CCDC102B: variants seen among roughly 807,000 people sequenced by gnomAD.
CCDC102B encodes coiled-coil domain-containing protein 102B.
CCDC102B carries 75 observed loss-of-function variants against 57.4 expected under a neutral mutation model. That is an observed-to-expected ratio of 1.31 (90% CI 1.08 to 1.58). CCDC102B has a LOEUF of 1.58. Among genes scored for constraint, CCDC102B ranks in the 40% most tolerant of loss-of-function variants. The pLI, the probability that CCDC102B is intolerant of heterozygous loss-of-function variation, is 0.00. For synonymous variants in CCDC102B, 206 were observed against 201.9 expected, an observed-to-expected ratio of 1.02 and a Z score of -0.17; for missense variants, 636 against 582.6, an observed-to-expected ratio of 1.09 and a Z score of -0.94.
At chr18:68,789,121 T>G (rs1303018181) in intron 2 of CCDC102B, among the ~76,000 whole-genome samples, 3 of 152,192 alleles carry the variant, frequency 2.0e-5, no homozygotes, top group Non-Finnish European at 2.9e-5. Context: ...AATTCTGGGT[T>G]GAAAATTCTT....
rs1376161038 is a variant in CCDC102B, at chr18:68,859,851, G to T, written c.936+13430G>T. Among the ~76,000 whole-genome samples the T allele has an allele frequency of 8.3e-5, 6 of 71,994 alleles. 1 individual carries two copies. Among genetic ancestry groups the T allele is most frequent in the African/African-American group, 1.1e-4 (3 of 26,190 alleles). 47.2% of individuals were successfully genotyped at this position (71,994 alleles called of 152,430 possible). A position where few individuals can be genotyped will look rare whatever the true frequency, so the allele number is the denominator to read the frequency against. ...AAATAGGAACACTTTTACACTGTTG[G>T]TGGGACTGTAAACTAGTTCAACCAT... On this transcript the variant is annotated intron_variant, in intron 4 of 7. Transcript: ENST00000360242.
intron 7 of CCDC102B, among the ~76,000 whole-genome samples, chr18:69,037,283 C>A (rs149245107): frequency 4.5e-4 from 68 of 152,114 alleles, no homozygotes; most frequent in African/African-American, 1.6e-3. Flanking sequence ...CATATACACA[C>A]ACACATCCCA....
chr18:68,958,195 G>A (rs1306746788), intron 6 of CCDC102B, among the ~76,000 whole-genome samples: 2 of 152,078 alleles, frequency 1.3e-5, no homozygotes, highest in South Asian at 2.1e-4. Flanking sequence ...ACCTCCTACT[G>A]GGTCTCTCCC....
intron 2 of CCDC102B, among the ~76,000 whole-genome samples, chr18:68,783,912 T>G (rs1303260607): frequency 6.6e-6 from 1 of 152,164 alleles, no homozygotes; most frequent in East Asian, 1.9e-4. Context: ...TGACTCAGGT[T>G]TAACAGTTGA....
chr18:68,950,524 C>T (rs1463344626), intron 6 of CCDC102B, among the ~76,000 whole-genome samples: 1 of 152,074 alleles, frequency 6.6e-6, no homozygotes, highest in Admixed American at 6.6e-5. Context: ...ATTTGTAATA[C>T]ATAACTTTTT....
intron 7 of CCDC102B, among the ~76,000 whole-genome samples, chr18:69,025,239 A>ATAAACAGAATATAAT (rs1263486327): frequency 6.6e-6 from 1 of 152,196 alleles, no homozygotes; most frequent in African/African-American, 2.4e-5. Flanking sequence ...ATTTTCTTTA[A>ATAAACAGAATATAAT]TAAACAGAAT....
intron 2 of CCDC102B, among the ~76,000 whole-genome samples, chr18:68,765,594 A>G (rs911735820): frequency 6.6e-5 from 10 of 152,196 alleles, no homozygotes; most frequent in African/African-American, 2.4e-4. Context: ...CTATCTCCTT[A>G]TAGCCCCTTT....
chr18:68,949,467 T>G (rs1458028394), intron 6 of CCDC102B, among the ~76,000 whole-genome samples: 1 of 152,084 alleles, frequency 6.6e-6, no homozygotes, highest in Non-Finnish European at 1.5e-5. Context: ...ACTAATACTA[T>G]GAGGTAGGAA....
At chr18:68,956,554 T>TCA (rs1437773807) in intron 6 of CCDC102B, among the ~76,000 whole-genome samples, 2 of 6,784 alleles carry the variant, frequency 2.9e-4, no homozygotes, top group African/African-American at 5.8e-4. Flanking sequence ...TATATAAATA[T>TCA]TATATATATT....
At chr18:69,045,859 T>A (rs922653107) in intron 7 of CCDC102B, among the ~76,000 whole-genome samples, 2 of 152,190 alleles carry the variant, frequency 1.3e-5, no homozygotes, top group African/African-American at 4.8e-5. Context: ...CATGTGGTAT[T>A]TGGTTTTCTG....
intron 6 of CCDC102B, among the ~76,000 whole-genome samples, chr18:68,944,373 G>A (rs2049472394): frequency 6.6e-6 from 1 of 152,092 alleles, no homozygotes; most frequent in African/African-American, 2.4e-5. Flanking sequence ...TAGTCTGGAT[G>A]GCTTAAAAAC....
At chr18:68,716,212 AT>A (rs1303003938) in intron 1 of CCDC102B, among the ~76,000 whole-genome samples, 1 of 151,964 alleles carries the variant, frequency 6.6e-6, no homozygotes, top group African/African-American at 2.4e-5. Flanking sequence ...CAGCTTTATA[AT>A]AGTACCATCG....
chr18:68,797,545 C>G (rs1410929396), upstream of CCDC102B, among the ~76,000 whole-genome samples: 3 of 152,192 alleles, frequency 2.0e-5, no homozygotes, highest in Non-Finnish European at 4.4e-5. Flanking sequence ...CCGGGGACTA[C>G]AGCTCACAAT....
intron 6 of CCDC102B, among the ~76,000 whole-genome samples, chr18:68,994,629 TTATAAA>T (rs1392272933): frequency 2.0e-5 from 3 of 152,112 alleles, no homozygotes; most frequent in Non-Finnish European, 4.4e-5. Context: ...TCTGATGGTT[TTATAAA>T]GGGTTCTTCC....
chr18:69,039,978 A>G (rs922883860), intron 7 of CCDC102B, among the ~76,000 whole-genome samples: 5 of 151,886 alleles, frequency 3.3e-5, no homozygotes, highest in Non-Finnish European at 7.4e-5. Context: ...GCCACACTTT[A>G]CTTTTGCAGT....
upstream of CCDC102B, among the ~76,000 whole-genome samples, chr18:68,797,807 GT>G (rs2035685561): frequency 2.2e-5 from 3 of 139,256 alleles, no homozygotes; most frequent in Admixed American, 1.5e-4. Context: ...ATTATTACAA[GT>G]TATACTGTTG....
chr18:68,936,427 C>A (rs990197565), intron 6 of CCDC102B, among the ~76,000 whole-genome samples: 6 of 151,930 alleles, frequency 3.9e-5, no homozygotes, highest in Admixed American at 6.6e-5. Flanking sequence ...CATTCATCTT[C>A]CAGTAAAGGC....
chr18:68,802,826 T>C (rs2035901715), intron 1 of CCDC102B, among the ~76,000 whole-genome samples: 1 of 152,316 alleles, frequency 6.6e-6, no homozygotes, highest in East Asian at 1.9e-4. Flanking sequence ...AAACTCCACC[T>C]CCCATCTGCT....
intron 4 of CCDC102B, among the ~76,000 whole-genome samples, chr18:68,851,617 T>A (rs562779503): frequency 1.7e-4 from 26 of 152,140 alleles, no homozygotes; most frequent in Non-Finnish European, 2.6e-4. Context: ...TTATAAGAAT[T>A]ATGAAATAAA....
Sources: gnomAD v4.1 joint callset for allele counts (sites outside exome capture counted in the v4.1 genomes callset) on GRCh38, gnomAD v4.1.1 for gene constraint, MANE v1.5 for transcripts, NCBI Gene and HGNC (gene_info 2026-07-23, HGNC 2026-07-21) for gene names.